Variants in SUGCT observed in about 807,000 individuals in gnomAD.
SUGCT encodes the protein succinyl-CoA:glutarate CoA-transferase.
In SUGCT, 41 loss-of-function variants were observed where a neutral mutation model predicts 55.0. The ratio of observed to expected loss-of-function variants is 0.74; its 90% CI spans 0.58 to 0.97. SUGCT has a LOEUF of 0.97. Among genes scored for constraint, SUGCT ranks in the 50% least tolerant of loss-of-function variants. SUGCT has a pLI of 0.00. For missense variants in SUGCT, 568 were observed against 547.8 expected, an observed-to-expected ratio of 1.04 and a Z score of -0.37; for synonymous variants, 187 against 200.4, an observed-to-expected ratio of 0.93 and a Z score of 0.56.
chr7:41,005,708 A>G, the SUGCT span, among the ~76,000 whole-genome samples: 1 of 152,192 alleles, frequency 6.6e-6, no homozygotes, highest in African/African-American at 2.4e-5. Flanking sequence ...CTATGTGGTC[A>G]GCCTTATAAG....
chr7:40,819,473 C>T (rs1349709807), intron 13 of SUGCT, among the ~76,000 whole-genome samples: 3 of 152,118 alleles, frequency 2.0e-5, no homozygotes, highest in East Asian at 1.9e-4. Context: ...GATGGTATCT[C>T]ATTGTGGTTT....
chr7:40,156,926 A>G (rs1371896370), intron 1 of SUGCT, among the ~76,000 whole-genome samples: 1 of 151,340 alleles, frequency 6.6e-6, no homozygotes, highest in Non-Finnish European at 1.5e-5. Flanking sequence ...GAGGTACGAG[A>G]ATCGCTTGAA....
At chr7:40,541,455 G>T (rs1404899442) in intron 12 of SUGCT, among the ~76,000 whole-genome samples, 1 of 152,130 alleles carries the variant, frequency 6.6e-6, no homozygotes, top group Non-Finnish European at 1.5e-5. Context: ...GTCTATATTG[G>T]TCAGATATGA....
chr7:40,570,164 T>C (rs556727212), intron 12 of SUGCT, among the ~76,000 whole-genome samples: 2 of 152,370 alleles, frequency 1.3e-5, no homozygotes, highest in South Asian at 2.1e-4. Context: ...GACAGACTTA[T>C]TTTAAACATT....
intron 13 of SUGCT, among the ~76,000 whole-genome samples, chr7:40,813,540 C>T (rs1791525994): frequency 6.6e-6 from 1 of 152,002 alleles, no homozygotes; most frequent in Admixed American, 6.5e-5. Flanking sequence ...GCAACTTGTG[C>T]TCTCTTTTTG....
intron 9 of SUGCT, among the ~76,000 whole-genome samples, chr7:40,322,485 G>A (rs909084830): frequency 1.3e-5 from 2 of 152,166 alleles, no homozygotes; most frequent in African/African-American, 4.8e-5. Context: ...CCACCAGACT[G>A]TGTTTCTGAT....
At chr7:40,274,073 C>CTTTTTTT (rs386409972) in intron 7 of SUGCT, among the ~76,000 whole-genome samples, 5,137 of 68,034 alleles carry the variant, frequency 0.076, 314 homozygotes, top group Non-Finnish European at 0.093. Context: ...TTTTTACCTT[C>CTTTTTTT]TTTTTTTTTT....
intron 1 of SUGCT, chr7:40,151,858 G>A (rs903972171): frequency 5.9e-5 from 9 of 152,232 alleles, no homozygotes; most frequent in Non-Finnish European, 1.0e-4. Flanking sequence ...TTTGGAGACT[G>A]AGGTTTTCTA....
chr7:40,546,792 G>A (rs1295049583), intron 12 of SUGCT: 1 of 152,082 alleles, frequency 6.6e-6, no homozygotes, highest in Admixed American at 6.5e-5. Flanking sequence ...CCTTTTTCAC[G>A]GATTCCACCC....
chr7:40,827,543 A>C (rs1792376883), intron 13 of SUGCT, among the ~76,000 whole-genome samples: 1 of 152,176 alleles, frequency 6.6e-6, no homozygotes, highest in African/African-American at 2.4e-5. Context: ...TTCTCAAGTC[A>C]ACTGAAATGT....
At chr7:40,436,745 G>T (rs1010271822) in intron 9 of SUGCT, among the ~76,000 whole-genome samples, 3 of 152,168 alleles carry the variant, frequency 2.0e-5, no homozygotes, top group African/African-American at 4.8e-5. Context: ...ACCTTGGGTT[G>T]TTCCTGAAAA....
At chr7:40,246,402 A>G (rs1447750847) in intron 7 of SUGCT, among the ~76,000 whole-genome samples, 1 of 151,934 alleles carries the variant, frequency 6.6e-6, no homozygotes, top group East Asian at 1.9e-4. Flanking sequence ...GGTGCTTGCC[A>G]TGACACCTGG....
At chr7:40,475,479 C>T (rs1258924595) in intron 11 of SUGCT, among the ~76,000 whole-genome samples, 1 of 152,284 alleles carries the variant, frequency 6.6e-6, no homozygotes, top group Non-Finnish European at 1.5e-5. Flanking sequence ...CCCTCATATA[C>T]CTGTTTAAAA....
chr7:40,969,286 G>A, the SUGCT span, among the ~76,000 whole-genome samples: 3 of 152,176 alleles, frequency 2.0e-5, no homozygotes, highest in African/African-American at 7.2e-5. Flanking sequence ...TCACACTGAT[G>A]AAATAAAGAT....
At chr7:40,952,257 C>G in the SUGCT span, among the ~76,000 whole-genome samples, 1 of 152,104 alleles carries the variant, frequency 6.6e-6, no homozygotes, top group Non-Finnish European at 1.5e-5. Flanking sequence ...TCTGTGTTAT[C>G]TGAGACTAGG....
At chr7:40,267,417 C>G (rs1791663640) in intron 7 of SUGCT, among the ~76,000 whole-genome samples, 1 of 152,130 alleles carries the variant, frequency 6.6e-6, no homozygotes, top group African/African-American at 2.4e-5. Flanking sequence ...GTTTAAAAGT[C>G]TGTATATGAG....
chr7:40,269,441 G>C (rs371405978), intron 7 of SUGCT, among the ~76,000 whole-genome samples: 1 of 152,062 alleles, frequency 6.6e-6, no homozygotes, highest in South Asian at 2.1e-4. Context: ...TTTTGCCTCA[G>C]TGTCCCTAGT....
At chr7:40,316,881 G>A (rs746100352) in intron 9 of SUGCT, 26 bp downstream of exon 9, 31 of 1,299,502 alleles carry the variant, frequency 2.4e-5, no homozygotes, top group Non-Finnish European at 3.1e-5. Flanking sequence ...TCTAGGGTTG[G>A]GCTGTTGTAA....
chr7:40,267,330 G>C lies in SUGCT; in HGVS notation c.577-7183G>C, dbSNP rs918295742. Among the ~76,000 whole-genome samples the C allele has an allele frequency of 2.6e-5, 4 of 152,224 alleles. No homozygotes were observed. The South Asian group carries it at 8.3e-4, about 32-fold the overall frequency. ...GCTAAATACATTTAAAACCGTTTCT[G>C]AGTGACCATGAACAAAATAAAAATT... On this transcript the variant is annotated intron_variant, in intron 7 of 13. Coordinates refer to ENST00000335693, the MANE Select transcript of SUGCT (RefSeq NM_001193313.2).
Sources: allele counts gnomAD v4.1 joint callset (sites outside exome capture counted in the v4.1 genomes callset), GRCh38; gene constraint gnomAD v4.1.1; transcripts MANE v1.5; gene names NCBI Gene and HGNC (gene_info 2026-07-23, HGNC 2026-07-21).